CDC14A: variants seen among roughly 807,000 people sequenced by gnomAD.
CDC14A encodes the protein dual specificity protein phosphatase CDC14A.
Under a neutral mutation model 74.4 loss-of-function variants are expected in CDC14A, and 53 were observed. The ratio of observed to expected loss-of-function variants is 0.71; its 90% CI spans 0.57 to 0.89. CDC14A has a LOEUF of 0.89. CDC14A is among the 40% of genes least tolerant of loss of function. CDC14A has a pLI of 0.00. For synonymous variants in CDC14A, 247 were observed against 258.4 expected, an observed-to-expected ratio of 0.96 and a Z score of 0.43; for missense variants, 646 against 713.7, an observed-to-expected ratio of 0.91 and a Z score of 1.08.
At chr1:100,513,561 C>T (rs1346412620) in intron 15 of CDC14A, among the ~76,000 whole-genome samples, 2 of 152,092 alleles carry the variant, frequency 1.3e-5, no homozygotes, top group Non-Finnish European at 2.9e-5. Context: ...ATTAAGACAT[C>T]GTTACATTCA....
intron 4 of CDC14A, chr1:100,423,913 G>A (rs1416383548): frequency 3.8e-6 from 1 of 264,002 alleles, no homozygotes; most frequent in African/African-American, 2.2e-5. Flanking sequence ...TCTTTGGTGA[G>A]CACACGGTAT....
intron 3 of CDC14A, among the ~76,000 whole-genome samples, chr1:100,383,104 A>G (rs1313086966): frequency 1.3e-5 from 2 of 152,206 alleles, no homozygotes; most frequent in Non-Finnish European, 2.9e-5. Context: ...CATGTAGTTT[A>G]AAGAGGTTCT....
intron 2 of CDC14A, among the ~76,000 whole-genome samples, chr1:100,367,421 A>G (rs1366440522): frequency 6.6e-6 from 1 of 152,198 alleles, no homozygotes; most frequent in Non-Finnish European, 1.5e-5. Flanking sequence ...CTTTATTCAC[A>G]GTATTTCATT....
intron 2 of CDC14A, among the ~76,000 whole-genome samples, chr1:100,371,607 T>C (rs1473142064): frequency 6.6e-6 from 1 of 152,234 alleles, no homozygotes; most frequent in Non-Finnish European, 1.5e-5. Flanking sequence ...CATTTATTGG[T>C]TTGCATATGC....
At chr1:100,346,709 G>A (rs1650462275) in intron 1 of CDC14A, among the ~76,000 whole-genome samples, 2 of 151,726 alleles carry the variant, frequency 1.3e-5, no homozygotes, top group Admixed American at 6.6e-5. Context: ...AATGTATTGA[G>A]TTGTTAACTT....
intron 15 of CDC14A, among the ~76,000 whole-genome samples, chr1:100,516,698 T>G (rs1291818071): frequency 6.6e-6 from 1 of 151,948 alleles, no homozygotes; most frequent in African/African-American, 2.4e-5. Flanking sequence ...TAATTGCGAG[T>G]GTGGTAGCTG....
At chr1:100,413,553 T>C (rs1661144096) in intron 4 of CDC14A, among the ~76,000 whole-genome samples, 3 of 152,368 alleles carry the variant, frequency 2.0e-5, no homozygotes, top group African/African-American at 7.2e-5. Flanking sequence ...GGGTTGCTGG[T>C]CTACCACCTT....
chr1:100,481,975 G>C (rs935132886), intron 10 of CDC14A, among the ~76,000 whole-genome samples: 1 of 152,174 alleles, frequency 6.6e-6, no homozygotes, highest in Admixed American at 6.5e-5. Context: ...GTGAAGTGCT[G>C]CTTTTTCTCA....
chr1:100,476,653 A>G (rs368908085), intron 10 of CDC14A, among the ~76,000 whole-genome samples: 82 of 149,924 alleles, frequency 5.5e-4, no homozygotes, highest in African/African-American at 2.0e-3. Flanking sequence ...AATTTTACTT[A>G]TGGGAAGAAT....
chr1:100,349,295 G>A (rs1204026214), upstream of CDC14A, among the ~76,000 whole-genome samples: 3 of 152,058 alleles, frequency 2.0e-5, no homozygotes, highest in Non-Finnish European at 4.4e-5. Flanking sequence ...GCAGTTGAGC[G>A]ATATGTAAAC....
intron 4 of CDC14A, among the ~76,000 whole-genome samples, chr1:100,412,722 A>ATATATATATTTTTT (rs1491179433): frequency 1.4e-5 from 1 of 73,938 alleles, no homozygotes; most frequent in African/African-American, 1.1e-4. Flanking sequence ...ATATATATAT[A>ATATATATATTTTTT]TTTTATATAT....
intron 4 of CDC14A, among the ~76,000 whole-genome samples, chr1:100,419,075 A>G (rs1394226381): frequency 2.0e-5 from 3 of 152,134 alleles, no homozygotes; most frequent in Non-Finnish European, 2.9e-5. Context: ...AGTCCTAGCT[A>G]CTTGGGAGGC....
chr1:100,519,380 C>G lies in CDC14A; in HGVS notation c.*1100C>G, dbSNP rs1057434056. 6.6e-6 allele frequency: 1 copy of G among 152,072 alleles called. No individual in the cohort carries two copies. The highest frequency in any genetic ancestry group is 6.6e-5 in the Admixed American group (1 of 15,254). The allele number at this position is 152,072 out of a possible 1,614,324, so 9.4% of individuals were successfully genotyped here. On this transcript the variant is annotated 3_prime_UTR_variant, in exon 16 of 16. Transcript: ENST00000336454. The stretch of plus-strand genomic sequence containing the variant: ...AAAGGACCCTTATAGGTACTCACAG[C>G]CCTTTCATGTAAGTATGATCTGATA...
intron 7 of CDC14A, among the ~76,000 whole-genome samples, chr1:100,453,524 C>T (rs1278150682): frequency 6.6e-6 from 1 of 152,078 alleles, no homozygotes; most frequent in Admixed American, 6.5e-5. Flanking sequence ...TTTTAATTGC[C>T]ATAATTAGAT....
At position 100,505,915 on chromosome 1, in the gene CDC14A, G is replaced by A. The variant is rs562415618; in HGVS notation, c.1755+6653G>A. ...TTACAATCATGGTGGAAGGCAAAAG[G>A]GGATCTTGTGTATCACATGGCAAGA... On this transcript the variant is annotated intron_variant, in intron 15 of 15. Transcript: ENST00000336454. Among the ~76,000 whole-genome samples the A allele has an allele frequency of 1.2e-4, 18 of 152,200 alleles. No homozygotes were observed. The South Asian group carries it at 3.7e-3, about 32-fold the overall frequency.
At chr1:100,376,069 G>A (rs923500445) in intron 2 of CDC14A, among the ~76,000 whole-genome samples, 74 of 152,050 alleles carry the variant, frequency 4.9e-4, no homozygotes, top group African/African-American at 1.7e-3. Flanking sequence ...AACACCGCAT[G>A]TTCTCACTCA....
chr1:100,461,732 G>T (rs1286433680), intron 8 of CDC14A, among the ~76,000 whole-genome samples: 2 of 152,166 alleles, frequency 1.3e-5, no homozygotes, highest in African/African-American at 2.4e-5. Context: ...AATAAAAGGG[G>T]ATTTAAAGGT....
At chr1:100,397,093 A>C (rs1317613394) in intron 4 of CDC14A, among the ~76,000 whole-genome samples, 2 of 152,038 alleles carry the variant, frequency 1.3e-5, no homozygotes, top group African/African-American at 4.8e-5. Context: ...TGTGTGGCCC[A>C]AGACAATTCT....
intron 8 of CDC14A, among the ~76,000 whole-genome samples, chr1:100,456,121 A>G (rs1260833677): frequency 1.3e-5 from 2 of 152,254 alleles, no homozygotes; most frequent in African/African-American, 4.8e-5. Flanking sequence ...ACACTGATAC[A>G]CTTAGTTCCA....
Sources: gnomAD v4.1 joint callset for allele counts (sites outside exome capture counted in the v4.1 genomes callset) on GRCh38, gnomAD v4.1.1 for gene constraint, MANE v1.5 for transcripts, NCBI Gene and HGNC (gene_info 2026-07-23, HGNC 2026-07-21) for gene names.